DNAI1: variants seen among roughly 807,000 people sequenced by gnomAD.
DNAI1 encodes dynein axonemal intermediate chain 1.
In DNAI1, 67 loss-of-function variants were observed where a neutral mutation model predicts 92.0. That is an observed-to-expected ratio of 0.73 (90% CI 0.60 to 0.89). The LOEUF (loss-of-function observed/expected upper bound fraction) is 0.89. DNAI1 is among the 40% of genes least tolerant of loss of function. The pLI is 0.00. For missense variants in DNAI1, 839 were observed against 866.6 expected, an observed-to-expected ratio of 0.97 and a Z score of 0.40; for synonymous variants, 323 against 319.6, an observed-to-expected ratio of 1.01 and a Z score of -0.11.
At chr9:34,459,543 G>A (rs1269495014) in intron 1 of DNAI1, among the ~76,000 whole-genome samples, 2 of 151,476 alleles carry the variant, frequency 1.3e-5, no homozygotes, top group African/African-American at 4.9e-5. Context: ...CCTCCTGGGT[G>A]CAAGCGATTC....
chr9:34,485,527 C>A lies in DNAI1; in HGVS notation c.261+10C>A. 1 of 1,613,704 alleles carries A rather than the reference C, an allele frequency of 6.2e-7. No individual in the cohort carries two copies. The highest frequency in any genetic ancestry group is 8.5e-7 in the Non-Finnish European group (1 of 1,179,724). On this transcript the variant is annotated intron_variant, in intron 4 of 19. Coordinates refer to ENST00000242317, the MANE Select transcript of DNAI1 (RefSeq NM_012144.4). ...CAGGTACAGCTTCAAAGTAAGTCAT[C>A]CCCTCCTGGGCAGGGGCATCTATAC... is the stretch of plus-strand genomic sequence containing the variant.
At chr9:34,493,989 G>T (rs1042699842) in intron 9 of DNAI1, among the ~76,000 whole-genome samples, 3 of 152,270 alleles carry the variant, frequency 2.0e-5, no homozygotes, top group Non-Finnish European at 2.9e-5. Context: ...TGAAGGGAGG[G>T]TCGCCACAGG....
At chr9:34,509,933 G>C (rs962765567) in intron 13 of DNAI1, among the ~76,000 whole-genome samples, 49 of 151,882 alleles carry the variant, frequency 3.2e-4, no homozygotes, top group Admixed American at 9.8e-4. Context: ...AAGAAAAACA[G>C]GTTTGGCCAG....
rs766583582 is a variant in DNAI1 at position 34,485,214 on chromosome 9, C to T, written c.154C>T (p.Pro52Ser). The T allele has an allele frequency of 5.6e-6, 9 of 1,614,050 alleles. No individual in the cohort carries two copies. Among genetic ancestry groups the T allele is most frequent in the African/African-American group, 1.3e-5 (1 of 74,922 alleles). The change falls in exon 3 of 20, where the codon CCT becomes TCT. Residue 52 changes from proline (P) to serine (S), a missense_variant. Transcript: ENST00000242317. ...CCAATCCAAAGCCACAGTTAGACCC[C>T]CTGACCAGCTGGAGTTGACCGATGC... ...WAQSKATVRP[P>S]DQLELTDAEL...
At chr9:34,485,028 T>C in intron 2 of DNAI1, 114 bp from the exon 3 acceptor site, 1 of 978,538 alleles carries the variant, frequency 1.0e-6, no homozygotes, top group Non-Finnish European at 1.6e-6. Context: ...TTTTGTATTC[T>C]ACATACAAGG....
chr9:34,503,878 G>A (rs916177523), intron 12 of DNAI1, among the ~76,000 whole-genome samples: 1 of 152,196 alleles, frequency 6.6e-6, no homozygotes, highest in Non-Finnish European at 1.5e-5. Flanking sequence ...AGCAGGTGGA[G>A]GAAGGTTAGA....
chr9:34,505,184 G>A (rs1235657389), intron 12 of DNAI1, among the ~76,000 whole-genome samples: 5 of 152,106 alleles, frequency 3.3e-5, no homozygotes, highest in Non-Finnish European at 5.9e-5. Flanking sequence ...TAGGTTTCAC[G>A]GAACCAAAAC....
In DNAI1 at chr9:34,517,420, C is replaced by A. The variant is rs1825191375; in HGVS notation, c.1954C>A (p.His652Asn). Reference protein sequence around the residue: ...PIIIVGDDRGHIISLKLSPNL... With the variant: ...PIIIVGDDRGNIISLKLSPNL... ...CATCATTGTGGGCGATGACCGTGGG[C>A]ACATCATCAGCCTCAAGCTCTCACC... Residue 652 changes from histidine to asparagine, a missense_variant, in exon 19 of 20, where the codon CAC becomes AAC. His to Asn is a moderately conservative substitution (Grantham distance 68). Coordinates refer to ENST00000242317, the MANE Select transcript of DNAI1 (RefSeq NM_012144.4). 6.2e-7 allele frequency: 1 copy of A among 1,614,084 alleles called. No individual in the cohort carries two copies. Among genetic ancestry groups the A allele is most frequent in the East Asian group, 2.2e-5 (1 of 44,892 alleles).
chr9:34,509,906 A>AG, intron 13 of DNAI1, among the ~76,000 whole-genome samples: 1 of 151,936 alleles, frequency 6.6e-6, no homozygotes, highest in East Asian at 1.9e-4. Flanking sequence ...TCTCAAAAAA[A>AG]AAAAAAAAAG....
intron 1 of DNAI1, among the ~76,000 whole-genome samples, chr9:34,471,702 G>A (rs1477932520): frequency 2.0e-5 from 3 of 151,808 alleles, no homozygotes; most frequent in Non-Finnish European, 4.4e-5. Context: ...TCCAGGAGGC[G>A]GAGGTTGGAG....
chr9:34,467,592 C>T (rs1170917907), intron 1 of DNAI1, among the ~76,000 whole-genome samples: 1 of 152,142 alleles, frequency 6.6e-6, no homozygotes, highest in African/African-American at 2.4e-5. Context: ...ATGATTGTTA[C>T]CACTGCACTC....
At chr9:34,503,609 G>A (rs898132916) in intron 12 of DNAI1, among the ~76,000 whole-genome samples, 5 of 152,130 alleles carry the variant, frequency 3.3e-5, no homozygotes, top group Admixed American at 6.5e-5. Flanking sequence ...ATGTACCCTA[G>A]GAAGGACTGT....
rs1587088918 is a variant in DNAI1, at chr9:34,511,313, C to G, written c.1312-796C>G. 2.6e-5 allele frequency among the ~76,000 whole-genome samples: 4 copies of G among 152,340 alleles called. No individual in the cohort carries two copies. The South Asian group carries it at 8.3e-4, about 32-fold the overall frequency. ...AAACACTTTCCCATATGTTTGCTTCCAGCCCTGAGAAGATGGGTGGGGCAG... is the reference window on the plus strand; with the variant it reads ...AAACACTTTCCCATATGTTTGCTTCGAGCCCTGAGAAGATGGGTGGGGCAG... On this transcript the variant is annotated intron_variant, in intron 13 of 19. Coordinates refer to ENST00000242317, the MANE Select transcript of DNAI1 (RefSeq NM_012144.4).
At position 34,520,324 on chromosome 9, in the gene DNAI1, C is replaced by T. The variant is rs186483946; in HGVS notation, c.2002-334C>T. Among the ~76,000 whole-genome samples the T allele has an allele frequency of 4.6e-5, 7 of 152,286 alleles. No homozygotes were observed. The East Asian group carries it at 9.6e-4, about 21-fold the overall frequency. On this transcript the variant is annotated intron_variant, in intron 19 of 19. Transcript: ENST00000242317. ...GTGCCAGCAGTCAGCCCCCCGCCTTCGCAGAGCTGGATTTCCCTGGCCTGG... is the reference window on the plus strand; with the variant it reads ...GTGCCAGCAGTCAGCCCCCCGCCTTTGCAGAGCTGGATTTCCCTGGCCTGG...
chr9:34,485,404 A>G, intron 3 of DNAI1, 33 bp from the exon 4 acceptor site: 1 of 1,608,894 alleles, frequency 6.2e-7, no homozygotes, highest in South Asian at 1.1e-5. Context: ...GGGGGTCTTC[A>G]TGTATGACCC....
chr9:34,496,622 C>A (rs186527818), intron 9 of DNAI1, among the ~76,000 whole-genome samples: 9 of 152,190 alleles, frequency 5.9e-5, no homozygotes, highest in South Asian at 2.1e-4. Context: ...TCTCTCCCCT[C>A]TTTGGGCCTT....
At chr9:34,510,857 T>A (rs1396942779) in intron 13 of DNAI1, among the ~76,000 whole-genome samples, 1 of 152,144 alleles carries the variant, frequency 6.6e-6, no homozygotes, top group Non-Finnish European at 1.5e-5. Context: ...CTCTGACTTA[T>A]GCCTCACAGG....
intron 17 of DNAI1, 46 bp downstream of exon 17, chr9:34,514,588 A>G: frequency 2.5e-6 from 4 of 1,614,208 alleles, no homozygotes; most frequent in Non-Finnish European, 3.4e-6. Flanking sequence ...CCCCTGGGCT[A>G]TGGCACTGTG....
At chr9:34,501,036 T>A in intron 11 of DNAI1, 102 bp from the exon 12 acceptor site, 1 of 1,069,204 alleles carries the variant, frequency 9.4e-7, no homozygotes, top group South Asian at 1.3e-5. Flanking sequence ...GGAGAACAGA[T>A]GTCTGTAGTA....
Sources: allele counts gnomAD v4.1 joint callset (sites outside exome capture counted in the v4.1 genomes callset), GRCh38; gene constraint gnomAD v4.1.1; transcripts MANE v1.5; gene names NCBI Gene and HGNC (gene_info 2026-07-23, HGNC 2026-07-21).